The following GAB2 variants were observed in gnomAD, a reference collection of about 807,000 sequenced individuals.
The protein encoded by GAB2 is GRB2-associated-binding protein 2.
In GAB2, 26 loss-of-function variants were observed where a neutral mutation model predicts 65.5. The ratio of observed to expected loss-of-function variants is 0.40; its 90% CI spans 0.29 to 0.55. GAB2 has a LOEUF of 0.55. GAB2 is among the 20% of genes least tolerant of loss of function. GAB2 has a pLI of 0.53. For missense variants in GAB2, 884 were observed against 875.8 expected (o/e 1.01, Z -0.12); for synonymous variants, 321 against 329.6 (o/e 0.97, Z 0.28).
chr11:78,244,690 T>G, intron 3 of GAB2, among the ~76,000 whole-genome samples: 1 of 139,592 alleles, frequency 7.2e-6, no homozygotes, highest in South Asian at 2.2e-4. Context: ...AAAAAAAGCT[T>G]GCCGTCTCAC....
At chr11:78,327,429 A>T (rs770781155) in intron 1 of GAB2, among the ~76,000 whole-genome samples, 1 of 152,238 alleles carries the variant, frequency 6.6e-6, no homozygotes, top group Non-Finnish European at 1.5e-5. Context: ...GCCTTAAAGG[A>T]TGAACAATAT....
At chr11:78,338,163 CA>C (rs1856033986) in intron 1 of GAB2, among the ~76,000 whole-genome samples, 1 of 152,176 alleles carries the variant, frequency 6.6e-6, no homozygotes, top group Admixed American at 6.5e-5. Context: ...GTTCAATGTT[CA>C]ATTCAATGCC....
chr11:78,371,846 T>G (rs2134728963), intron 1 of GAB2, among the ~76,000 whole-genome samples: 1 of 152,336 alleles, frequency 6.6e-6, no homozygotes. Flanking sequence ...TAAAAGGTTT[T>G]GAAGCTAGAC....
chr11:78,296,339 G>A (rs888016025), intron 1 of GAB2, among the ~76,000 whole-genome samples: 14 of 152,134 alleles, frequency 9.2e-5, no homozygotes, highest in African/African-American at 2.7e-4. Context: ...ACATAACCTC[G>A]TTTTATATGT....
At chr11:78,365,191 G>A (rs1856481716) in intron 1 of GAB2, among the ~76,000 whole-genome samples, 1 of 152,146 alleles carries the variant, frequency 6.6e-6, no homozygotes. Context: ...ACAAGAAAAT[G>A]AAATCTCAGA....
At chr11:78,401,659 G>A (rs369105580) in intron 1 of GAB2, among the ~76,000 whole-genome samples, 4 of 152,000 alleles carry the variant, frequency 2.6e-5, no homozygotes, top group South Asian at 2.1e-4. Flanking sequence ...GTGTGTGTGC[G>A]TGTGTGTATA....
At chr11:78,355,798 C>T (rs994505360) in intron 1 of GAB2, among the ~76,000 whole-genome samples, 1 of 148,924 alleles carries the variant, frequency 6.7e-6, no homozygotes, top group African/African-American at 2.5e-5. Flanking sequence ...AATGAGGCAA[C>T]TGAGGTTCTT....
chr11:78,302,207 A>G (rs761670615), intron 1 of GAB2, among the ~76,000 whole-genome samples: 4 of 152,324 alleles, frequency 2.6e-5, no homozygotes, highest in Non-Finnish European at 5.9e-5. Context: ...TAATTAAACT[A>G]AAGAGCTTTT....
chr11:78,238,982 A>T lies in GAB2; in HGVS notation c.620+11175T>A, dbSNP rs944631366. On this transcript the variant is annotated intron_variant, in intron 3 of 9. Coordinates refer to ENST00000361507, the MANE Select transcript of GAB2 (RefSeq NM_080491.3). ...AAAGACTTGAAATAGATATTTCTCCAAAGAAGATATACAAATGGCCAACGC... is the reference window on the plus strand; with the variant it reads ...AAAGACTTGAAATAGATATTTCTCCTAAGAAGATATACAAATGGCCAACGC... Among the ~76,000 whole-genome samples the T allele has an allele frequency of 2.6e-5, 4 of 152,192 alleles. No homozygotes were observed. The South Asian group carries it at 8.3e-4, about 32-fold the overall frequency.
Position 78,309,971 on chromosome 11 carries a change from T to TGTGTGTGTGTGTGTGTGCGC in GAB2, c.76-29071_76-29070insGCGCACACACACACACACAC, listed in dbSNP as rs1421836447. Among the ~76,000 whole-genome samples the TGTGTGTGTGTGTGTGTGCGC allele has an allele frequency of 7.7e-4, 93 of 120,146 alleles. 1 individual carries two copies. Among genetic ancestry groups the TGTGTGTGTGTGTGTGTGCGC allele is most frequent in the African/African-American group, 3.3e-3 (93 of 28,052 alleles). 78.8% of individuals were successfully genotyped at this position (120,146 alleles called of 152,430 possible). On this transcript the variant is annotated intron_variant, in intron 1 of 9. Coordinates refer to ENST00000361507, the MANE Select transcript of GAB2 (RefSeq NM_080491.3). ...GTGTGTGTGTGTGTGTGTGTGTGTGTGCGCGCGCGCCTGTGTGTGTGGTGG... is the reference window on the plus strand; with the variant it reads ...GTGTGTGTGTGTGTGTGTGTGTGTGTGTGTGTGTGTGTGTGTGCGCGCGCGCGCGCCTGTGTGTGTGGTGG...
intron 1 of GAB2, among the ~76,000 whole-genome samples, chr11:78,317,034 G>T (rs1016580685): frequency 2.0e-5 from 3 of 152,198 alleles, no homozygotes; most frequent in African/African-American, 7.2e-5. Context: ...TAAGCAGTTA[G>T]AAAATACCAT....
intron 2 of GAB2, among the ~76,000 whole-genome samples, chr11:78,269,272 T>A (rs528458244): frequency 1.3e-5 from 2 of 152,260 alleles, no homozygotes; most frequent in South Asian, 4.1e-4. Flanking sequence ...CCAACAAGGG[T>A]TCCCCAGAGG....
At chr11:78,315,189 C>T (rs1425653340) in intron 1 of GAB2, among the ~76,000 whole-genome samples, 3 of 152,196 alleles carry the variant, frequency 2.0e-5, no homozygotes, top group East Asian at 1.9e-4. Context: ...GTTCTGCTCA[C>T]GGCTGGCTGT....
rs115844979 is a variant in GAB2 at position 78,223,389 on chromosome 11, G to A, written c.1567+23C>T. On this transcript the variant is annotated intron_variant, in intron 6 of 9. Transcript: ENST00000361507. ...GTCCCTAGCCACTGTCCAGAGATGG[G>A]ACAGGGGAAAGAATGGACTTACCTT... is the stretch of plus-strand genomic sequence containing the variant. 217 of 1,500,562 alleles carry A rather than the reference G, an allele frequency of 1.4e-4. 1 individual carries two copies. The African/African-American group carries it at 2.8e-3, about 19-fold the overall frequency. The allele number at this position is 1,500,562 out of a possible 1,614,324, so 93.0% of individuals were successfully genotyped here.
intron 1 of GAB2, among the ~76,000 whole-genome samples, chr11:78,294,480 G>C (rs553815928): frequency 1.1e-3 from 175 of 152,278 alleles, no homozygotes; most frequent in African/African-American, 4.0e-3. Flanking sequence ...AGATCCCTGA[G>C]GAATCGCCAC....
intron 3 of GAB2, among the ~76,000 whole-genome samples, chr11:78,230,402 C>T (rs979086681): frequency 2.0e-5 from 3 of 152,260 alleles, no homozygotes; most frequent in African/African-American, 7.2e-5. Flanking sequence ...GATACATCAA[C>T]ACCTTACACA....
chr11:78,226,945 C>T lies in GAB2; in HGVS notation c.727G>A (p.Gly243Ser). 1 of 1,613,732 alleles carries T rather than the reference C, an allele frequency of 6.2e-7. No individual in the cohort carries two copies. The highest frequency in any genetic ancestry group is 8.5e-7 in the Non-Finnish European group (1 of 1,179,766). The change falls in exon 4 of 10, where the codon GGT (glycine) becomes AGT (serine). Residue 243 changes from glycine (G) to serine (S), a missense_variant. Physicochemically the swap from Gly to Ser is moderately conservative, Grantham distance 56 (BLOSUM62 0). Transcript: ENST00000361507. The part of the protein sequence containing the change: ...GNGHCVNGIS[G>S]QVHGFYSLPK... ...AGGCTATAGAAGCCATGGACTTGAC[C>T]ACTGATCCCGTTGACACAGTGTCCA...
At chr11:78,312,912 C>T (rs879907255) in intron 1 of GAB2, among the ~76,000 whole-genome samples, 4 of 152,052 alleles carry the variant, frequency 2.6e-5, no homozygotes, top group Non-Finnish European at 5.9e-5. Context: ...ATCTAGTGTC[C>T]TCAACTCCCA....
chr11:78,234,835 C>A (rs1403361595), intron 3 of GAB2, among the ~76,000 whole-genome samples: 1 of 151,914 alleles, frequency 6.6e-6, no homozygotes, highest in Non-Finnish European at 1.5e-5. Context: ...CATGGTGAAA[C>A]CCCACCTCTA....
Sources: allele counts gnomAD v4.1 joint callset (sites outside exome capture counted in the v4.1 genomes callset), GRCh38; gene constraint gnomAD v4.1.1; transcripts MANE v1.5; gene names NCBI Gene and HGNC (gene_info 2026-07-23, HGNC 2026-07-21).